The following FREM2 variants were observed in gnomAD, a reference collection of about 807,000 sequenced individuals.
FREM2 encodes FRAS1 related extracellular matrix 2, also known as FRAS1-related extracellular matrix protein 2.
Under a neutral mutation model 219.9 loss-of-function variants are expected in FREM2, and 119 were observed. The observed-to-expected ratio is 0.54, with a 90% CI of 0.47 to 0.63. The LOEUF is 0.63. Among genes scored for constraint, FREM2 ranks in the 30% least tolerant of loss-of-function variants. FREM2 has a pLI of 0.00. For missense variants in FREM2, 4,030 were observed against 3,993.6 expected (o/e 1.01, Z -0.25); for synonymous variants, 1,562 against 1,522.8 (o/e 1.03, Z -0.60).
intron 2 of FREM2, among the ~76,000 whole-genome samples, chr13:38,732,037 G>C (rs538871183): frequency 6.6e-6 from 1 of 152,168 alleles, no homozygotes; most frequent in African/African-American, 2.4e-5. Flanking sequence ...GTTACTTTGT[G>C]TTCAGTTAAA....
Position 38,690,059 on chromosome 13 carries a change from TG to T in FREM2, c.2719del (p.Asp907ThrfsTer4), listed in dbSNP as rs1869749630. 1 of 1,613,870 alleles carries T rather than the reference TG, an allele frequency of 6.2e-7. No individual in the cohort carries two copies. The highest frequency in any genetic ancestry group is 8.5e-7 in the Non-Finnish European group (1 of 1,180,040). On this transcript the variant is annotated frameshift_variant, in exon 1 of 24. Transcript: ENST00000280481. LOFTEE classifies it high-confidence loss of function. ...KQGRVSYAHNGDKSLTDSCSL... is the reference protein window; with the variant it reads ...KQGRVSYAHNXDKSLTDSCSL... ...AGGGCCGAGTTTCCTATGCCCATAA[TG>T]GGGACAAGTCCCTGACTGATAGCTG...
intron 3 of FREM2, among the ~76,000 whole-genome samples, chr13:38,765,033 C>T (rs374507861): frequency 1.2e-3 from 189 of 152,306 alleles, no homozygotes; most frequent in African/African-American, 4.3e-3. Flanking sequence ...GCCTCAGCCT[C>T]TCAAGTAGCT....
intron 6 of FREM2, among the ~76,000 whole-genome samples, chr13:38,794,068 A>G (rs1874672834): frequency 6.6e-6 from 1 of 152,202 alleles, no homozygotes; most frequent in Admixed American, 6.5e-5. Flanking sequence ...GCACTAGACC[A>G]TTCTGTGCTA....
At chr13:38,753,956 T>TTTTTATTTTA (rs57771522) in intron 2 of FREM2, among the ~76,000 whole-genome samples, 9 of 148,960 alleles carry the variant, frequency 6.0e-5, no homozygotes, top group African/African-American at 2.0e-4. Flanking sequence ...TAACACATTC[T>TTTTTATTTTA]TTTTATTTTA....
chr13:38,690,404 T>C lies in FREM2; in HGVS notation c.3060T>C (p.Ser1020=). Residue 1020 remains serine, a synonymous_variant, in exon 1 of 24, where the codon AGT becomes AGC. Coordinates refer to ENST00000280481, the MANE Select transcript of FREM2 (RefSeq NM_207361.6). The part of the protein sequence containing the change: ...LEGSVVYTHT[S]GEIGLLPKAD... ...GCTCTGTTGTATATACCCACACCAG[T>C]GGTGAGATAGGCCTATTGCCTAAAG... The C allele has an allele frequency of 6.2e-7, 1 of 1,614,114 alleles. No homozygotes were observed. The highest frequency in any genetic ancestry group is 8.5e-7 in the Non-Finnish European group (1 of 1,179,966).
At chr13:38,810,632 T>C (rs1453165218) in intron 6 of FREM2, among the ~76,000 whole-genome samples, 1 of 152,138 alleles carries the variant, frequency 6.6e-6, no homozygotes, top group African/African-American at 2.4e-5. Context: ...TTGATTTGCA[T>C]ATGTTAAACC....
intron 7 of FREM2, among the ~76,000 whole-genome samples, 183 bp from the exon 8 acceptor site, chr13:38,848,278 T>C (rs913685517): frequency 6.6e-6 from 1 of 152,218 alleles, no homozygotes; most frequent in Admixed American, 6.5e-5. Flanking sequence ...GTCTTTGATC[T>C]ATCACCACAG....
intron 7 of FREM2, among the ~76,000 whole-genome samples, chr13:38,847,953 T>G (rs1265688048): frequency 6.6e-6 from 1 of 151,980 alleles, no homozygotes; most frequent in Non-Finnish European, 1.5e-5. Flanking sequence ...GTGGATGGAG[T>G]GTGGGCAGAG....
chr13:38,754,898 G>GATTATTATTATTATTATTATTATT (rs770487106), intron 2 of FREM2, among the ~76,000 whole-genome samples: 29 of 122,798 alleles, frequency 2.4e-4, no homozygotes, highest in African/African-American at 3.1e-4. Context: ...TGATGATGAT[G>GATTATTATTATTATTATTATTATT]ATGATTATTA....
At chr13:38,784,235 G>T (rs988842768) in intron 5 of FREM2, among the ~76,000 whole-genome samples, 3 of 152,232 alleles carry the variant, frequency 2.0e-5, no homozygotes. Flanking sequence ...AGTATTTGAA[G>T]CACTTGGCAC....
rs746783693 is a variant in FREM2 at position 38,688,302 on chromosome 13, C to T, written c.958C>T (p.Pro320Ser). ...RGGAENTAPKPSFVAMMMMEV... is the reference protein window; with the variant it reads ...RGGAENTAPKSSFVAMMMMEV... ...AGGGGCCGAGAACACTGCACCCAAG[C>T]CCAGTTTCGTGGCCATGATGATGAT... The change falls in exon 1 of 24, where the codon CCC (proline) becomes TCC (serine). Residue 320 changes from proline (P) to serine (S), a missense_variant. Physicochemically the swap from Pro to Ser is moderately conservative, Grantham distance 74. Coordinates refer to ENST00000280481, the MANE Select transcript of FREM2 (RefSeq NM_207361.6). The T allele has an allele frequency of 1.2e-6, 2 of 1,614,050 alleles. No homozygotes were observed. Among genetic ancestry groups the T allele is most frequent in the African/African-American group, 1.3e-5 (1 of 74,928 alleles).
chr13:38,775,868 C>G (rs1873851006), intron 4 of FREM2, among the ~76,000 whole-genome samples: 1 of 152,190 alleles, frequency 6.6e-6, no homozygotes. Flanking sequence ...ATCCGCCTGC[C>G]TTGGCCTCCC....
At position 38,692,512 on chromosome 13, in the gene FREM2, C is replaced by G. The variant is rs1869937565; in HGVS notation, c.5168C>G (p.Thr1723Arg). Residue 1723 changes from threonine (T) to arginine (R), a missense_variant, in exon 1 of 24, where the codon ACA (threonine) becomes AGA (arginine). By Grantham distance (71) the Thr-to-Arg change is moderately conservative. Around this residue, in one of 2 missense-constraint regions of FREM2, gnomAD observed 3,102 missense variants for 2,950.7 expected, o/e 1.05. Coordinates refer to ENST00000280481, the MANE Select transcript of FREM2 (RefSeq NM_207361.6). Reference protein sequence around the residue: ...DKGNHSITQFTQADIDDMKIC... With the variant: ...DKGNHSITQFRQADIDDMKIC... ...GGCAACCACAGCATCACTCAGTTCA[C>G]ACAAGGTATGTTTCATGTTTCTTTT... 6.2e-7 allele frequency: 1 copy of G among 1,609,754 alleles called. No homozygotes were observed. Among genetic ancestry groups the G allele is most frequent in the South Asian group, 1.1e-5 (1 of 91,092 alleles).
intron 6 of FREM2, among the ~76,000 whole-genome samples, chr13:38,826,674 C>CA (rs1271574779): frequency 3.3e-5 from 5 of 152,064 alleles, no homozygotes; most frequent in Non-Finnish European, 5.9e-5. Flanking sequence ...TGTTTGACAC[C>CA]ATATTAATCG....
chr13:38,701,743 A>T (rs759918946), intron 2 of FREM2, among the ~76,000 whole-genome samples: 33 of 152,064 alleles, frequency 2.2e-4, no homozygotes, highest in Non-Finnish European at 4.1e-4. Flanking sequence ...CCAGGCTCAA[A>T]TATCATTTCC....
intron 6 of FREM2, among the ~76,000 whole-genome samples, chr13:38,845,586 T>C (rs1021601430): frequency 6.6e-6 from 1 of 152,228 alleles, no homozygotes; most frequent in African/African-American, 2.4e-5. Flanking sequence ...AATTTATCTT[T>C]CTTAATAATT....
chr13:38,761,746 G>A (rs1593391062), intron 2 of FREM2, among the ~76,000 whole-genome samples: 1 of 152,124 alleles, frequency 6.6e-6, no homozygotes, highest in East Asian at 1.9e-4. Context: ...GCAGCAATAA[G>A]GAATGGAAAG....
chr13:38,831,541 G>A (rs1351530011), intron 6 of FREM2, among the ~76,000 whole-genome samples: 3 of 151,836 alleles, frequency 2.0e-5, no homozygotes, highest in East Asian at 3.9e-4. Flanking sequence ...ACAAGAAAAA[G>A]AAATGTTAAA....
intron 6 of FREM2, among the ~76,000 whole-genome samples, chr13:38,814,817 G>A (rs970009276): frequency 6.6e-6 from 1 of 152,152 alleles, no homozygotes; most frequent in East Asian, 1.9e-4. Context: ...CCTTTTCGCA[G>A]TCAGAGGAGC....
Sources: gnomAD v4.1 joint callset for allele counts (sites outside exome capture counted in the v4.1 genomes callset) on GRCh38, gnomAD v4.1.1 for gene constraint, gnomAD v4.1.1 regional missense constraint, MANE v1.5 for transcripts, NCBI Gene and HGNC (gene_info 2026-07-23, HGNC 2026-07-21) for gene names.